NR0B2: variants seen among roughly 807,000 people sequenced by gnomAD.
The protein encoded by NR0B2 is nuclear receptor subfamily 0 group B member 2.
NR0B2 carries 17 observed loss-of-function variants against 18.9 expected under a neutral mutation model. That is an observed-to-expected ratio of 0.90 (90% confidence interval 0.62 to 1.35). NR0B2 has a LOEUF of 1.35. Ranked by LOEUF, NR0B2 falls within the 40% of genes most tolerant of loss-of-function variation. The pLI, the probability that NR0B2 is intolerant of heterozygous loss-of-function variation, is 0.00. For missense variants in NR0B2, 312 were observed against 333.3 expected (o/e 0.94, Z 0.50); for synonymous variants, 116 against 138.5 (o/e 0.84, Z 1.14).
rs374850240 is a variant in NR0B2 at position 26,913,891 on chromosome 1, C to T, written c.50G>A (p.Arg17His). 43 of 1,480,626 alleles carry T rather than the reference C, an allele frequency of 2.9e-5. No individual in the cohort carries two copies. The highest frequency in any genetic ancestry group is 5.6e-5 in the African/African-American group (4 of 71,300). The allele number at this position is 1,480,626 out of a possible 1,614,324, so 91.7% of individuals were successfully genotyped here. A position where few individuals can be genotyped will look rare whatever the true frequency, so the allele number is the denominator to read the frequency against. Residue 17 changes from arginine (R) to histidine (H), a missense_variant, in exon 1 of 2, where the codon CGC becomes CAC. By Grantham distance (29) the Arg-to-His change is conservative. Transcript: ENST00000254227. ...GACPCQGAAS[R>H]PAILYALLSS... ...CAGAAGTGCGTAGAGAATGGCGGGGCGGCTTGCAGCTCCCTGGCATGGGCA... is the reference window on the plus strand; with the variant it reads ...CAGAAGTGCGTAGAGAATGGCGGGGTGGCTTGCAGCTCCCTGGCATGGGCA...
Position 26,911,707 on chromosome 1 carries a change from A to C in NR0B2, c.*138T>G. 5.2e-6 allele frequency: 5 copies of C among 967,780 alleles called. No individual in the cohort carries two copies. The highest frequency in any genetic ancestry group is 8.1e-6 in the Non-Finnish European group (5 of 615,898). The allele number at this position is 967,780 out of a possible 1,614,324, so 59.9% of individuals were successfully genotyped here. On this transcript the variant is annotated 3_prime_UTR_variant, in exon 2 of 2. Transcript: ENST00000254227. ...TCCAATGTGGGGTGTGGCTGAGTGA[A>C]GAGCTGTTCCTAAGGAGCCAAGTGC... is the stretch of plus-strand genomic sequence containing the variant.
chr1:26,913,899 AG>A lies in NR0B2; in HGVS notation c.41del (p.Ala14ValfsTer12), dbSNP rs748209717. Reference sequence around the variant, plus strand: ...CGTAGAGAATGGCGGGGCGGCTTGCAGCTCCCTGGCATGGGCAGGCCCCTGG... The same window carrying A: ...CGTAGAGAATGGCGGGGCGGCTTGCACTCCCTGGCATGGGCAGGCCCCTGG... ...SQPGACPCQG[A>X]ASRPAILYAL... On this transcript the variant is annotated frameshift_variant, in exon 1 of 2. Coordinates refer to ENST00000254227, the MANE Select transcript of NR0B2 (RefSeq NM_021969.3). LOFTEE classifies it high-confidence loss of function. 1.0e-5 allele frequency: 15 copies of A among 1,485,872 alleles called. No individual in the cohort carries two copies. Among genetic ancestry groups the A allele is most frequent in the Non-Finnish European group, 1.3e-5 (14 of 1,116,226 alleles). 92.0% of individuals were successfully genotyped at this position (1,485,872 alleles called of 1,614,324 possible).
intron 1 of NR0B2, among the ~76,000 whole-genome samples, chr1:26,912,830 T>A (rs1295189072): frequency 6.6e-6 from 1 of 152,202 alleles, no homozygotes; most frequent in Non-Finnish European, 1.5e-5. Context: ...CACAGCCTTC[T>A]GTAAAGGTCA....
chr1:26,911,701 G>T lies in NR0B2; in HGVS notation c.*144C>A. On this transcript the variant is annotated 3_prime_UTR_variant, in exon 2 of 2. Coordinates refer to ENST00000254227, the MANE Select transcript of NR0B2 (RefSeq NM_021969.3). ...AGGAAGTCCAATGTGGGGTGTGGCT[G>T]AGTGAAGAGCTGTTCCTAAGGAGCC... The T allele has an allele frequency of 1.1e-6, 1 of 920,694 alleles. No individual in the cohort carries two copies. The highest frequency in any genetic ancestry group is 1.7e-6 in the Non-Finnish European group (1 of 576,342). The allele number at this position is 920,694 out of a possible 1,614,324, so 57.0% of individuals were successfully genotyped here. A position where few individuals can be genotyped will look rare whatever the true frequency, so the allele number is the denominator to read the frequency against.
In NR0B2 at chr1:26,911,809, C is replaced by G; in HGVS notation, c.*36G>C. 1 of 1,613,974 alleles carries G rather than the reference C, an allele frequency of 6.2e-7. No individual in the cohort carries two copies. ...GCCAGGCTGAATCAGCACTGCCAGC[C>G]TCTGCCCACCTGATCTCTGCCTGGG... On this transcript the variant is annotated 3_prime_UTR_variant, in exon 2 of 2. Transcript: ENST00000254227.
rs756121300 is a variant in NR0B2, at chr1:26,911,906, C to T, written c.713G>A (p.Arg238His). The T allele has an allele frequency of 9.3e-6, 15 of 1,613,950 alleles. No homozygotes were observed. Among genetic ancestry groups the T allele is most frequent in the South Asian group, 3.3e-5 (3 of 91,080 alleles). Reference protein sequence around the residue: ...PTSLLGDLFFRPIIGDVDIAG... With the variant: ...PTSLLGDLFFHPIIGDVDIAG... ...GATGTCAACATCTCCAATGATAGGG[C>T]GAAAGAAGAGGTCCCCAAGCAGGCT... The change falls in exon 2 of 2, where the codon CGC becomes CAC. Residue 238 changes from arginine to histidine, a missense_variant. Transcript: ENST00000254227.
Position 26,913,944 on chromosome 1 carries a change from T to A in NR0B2, c.-4A>T. The A allele has an allele frequency of 1.4e-6, 2 of 1,469,844 alleles. No homozygotes were observed. The highest frequency in any genetic ancestry group is 1.8e-6 in the Non-Finnish European group (2 of 1,108,142). 91.1% of individuals were successfully genotyped at this position (1,469,844 alleles called of 1,614,324 possible). On this transcript the variant is annotated 5_prime_UTR_variant, in exon 1 of 2. Transcript: ENST00000254227. ...CCCCTGGTTGGCTGGTGCTCATGGT[T>A]AGGGATCTGCTCTCACTTCCAGCTC...
At position 26,913,694 on chromosome 1, in the gene NR0B2, C is replaced by T; in HGVS notation, c.247G>A (p.Asp83Asn). 1.2e-6 allele frequency: 2 copies of T among 1,611,192 alleles called. No homozygotes were observed. Among genetic ancestry groups the T allele is most frequent in the East Asian group, 2.2e-5 (1 of 44,776 alleles). Reference sequence around the variant, plus strand: ...CAACCCTGCAGCAGCCGCCGCTGGTCCTGGGGAGGCAGCTGCCAGAAGGAT... The same window carrying T: ...CAACCCTGCAGCAGCCGCCGCTGGTTCTGGGGAGGCAGCTGCCAGAAGGAT... ...LPSFWQLPPQ[D>N]QRRLLQGCWG... The change falls in exon 1 of 2, where the codon GAC (aspartate) becomes AAC (asparagine). Residue 83 changes from aspartate to asparagine, a missense_variant. Physicochemically the swap from Asp to Asn is conservative, Grantham distance 23. Coordinates refer to ENST00000254227, the MANE Select transcript of NR0B2 (RefSeq NM_021969.3).
chr1:26,911,536 G>T lies in NR0B2; in HGVS notation c.*309C>A. The T allele has an allele frequency of 2.4e-6, 1 of 409,276 alleles. No homozygotes were observed. Among genetic ancestry groups the T allele is most frequent in the Non-Finnish European group, 4.6e-6 (1 of 215,888 alleles). The allele number at this position is 409,276 out of a possible 1,614,324, so 25.4% of individuals were successfully genotyped here. Reference sequence around the variant, plus strand: ...AAAATCAATAACTTAATTCAGTTCTGTATAAAGTCGATAGGACTTCTGGTC... The same window carrying T: ...AAAATCAATAACTTAATTCAGTTCTTTATAAAGTCGATAGGACTTCTGGTC... On this transcript the variant is annotated 3_prime_UTR_variant, in exon 2 of 2. Coordinates refer to ENST00000254227, the MANE Select transcript of NR0B2 (RefSeq NM_021969.3).
chr1:26,913,857 G>T lies in NR0B2; in HGVS notation c.84C>A (p.Ser28Arg). ...PAILYALLSS[S>R]LKAVPRPRSR... ...TACGGGGTCGGGGGACAGCCTTGAGGCTGGAGCTCAGAAGTGCGTAGAGAA... is the reference window on the plus strand; with the variant it reads ...TACGGGGTCGGGGGACAGCCTTGAGTCTGGAGCTCAGAAGTGCGTAGAGAA... Residue 28 changes from serine to arginine, a missense_variant, in exon 1 of 2, where the codon AGC becomes AGA. By Grantham distance (110) the Ser-to-Arg change is moderately radical (BLOSUM62 -1). Transcript: ENST00000254227. The T allele has an allele frequency of 6.6e-7, 1 of 1,507,880 alleles. No individual in the cohort carries two copies. Among genetic ancestry groups the T allele is most frequent in the Non-Finnish European group, 8.9e-7 (1 of 1,127,510 alleles). The allele number at this position is 1,507,880 out of a possible 1,614,324, so 93.4% of individuals were successfully genotyped here.
Position 26,913,866 on chromosome 1 carries a change from C to T in NR0B2, c.75G>A (p.Leu25=). 1.3e-6 allele frequency: 2 copies of T among 1,503,664 alleles called. No individual in the cohort carries two copies. The highest frequency in any genetic ancestry group is 2.8e-5 in the African/African-American group (2 of 71,612). The allele number at this position is 1,503,664 out of a possible 1,614,324, so 93.1% of individuals were successfully genotyped here. A position where few individuals can be genotyped will look rare whatever the true frequency, so the allele number is the denominator to read the frequency against. Residue 25 remains leucine (L), a synonymous_variant, in exon 1 of 2, where the codon CTG becomes CTA. Coordinates refer to ENST00000254227, the MANE Select transcript of NR0B2 (RefSeq NM_021969.3). ...GGGGGACAGCCTTGAGGCTGGAGCT[C>T]AGAAGTGCGTAGAGAATGGCGGGGC... is the stretch of plus-strand genomic sequence containing the variant. ...ASRPAILYAL[L]SSSLKAVPRP...
chr1:26,913,595 T>G lies in NR0B2; in HGVS notation c.346A>C (p.Ser116Arg). ...TFEVAEAPVP[S>R]ILKKILLEEP... ...TCCAGCAGAATCTTCTTGAGTATGC[T>G]GGGCACCGGGGCCTCAGCCACCTCA... The change falls in exon 1 of 2, where the codon AGC becomes CGC. Residue 116 changes from serine to arginine, a missense_variant. By Grantham distance (110) the Ser-to-Arg change is moderately radical (BLOSUM62 -1). Transcript: ENST00000254227. 3.1e-6 allele frequency: 5 copies of G among 1,614,078 alleles called. No homozygotes were observed. Among genetic ancestry groups the G allele is most frequent in the Non-Finnish European group, 4.2e-6 (5 of 1,180,000 alleles).
intron 1 of NR0B2, 66 bp from the exon 2 acceptor site, chr1:26,912,152 G>A: frequency 6.3e-7 from 1 of 1,597,660 alleles, no homozygotes; most frequent in Non-Finnish European, 8.5e-7. Flanking sequence ...GGACAAGACT[G>A]GCCCAAGATC....
intron 1 of NR0B2, among the ~76,000 whole-genome samples, chr1:26,912,394 A>G (rs1459348121): frequency 6.6e-6 from 1 of 152,120 alleles, no homozygotes; most frequent in Non-Finnish European, 1.5e-5. Context: ...TCTGGGCTTC[A>G]GTTTCTTTAT....
At chr1:26,912,563 A>T (rs1279075446) in intron 1 of NR0B2, among the ~76,000 whole-genome samples, 1 of 152,192 alleles carries the variant, frequency 6.6e-6, no homozygotes, top group African/African-American at 2.4e-5. Context: ...ACTACGATTT[A>T]TGCGTGCCAC....
rs764142312 is a variant in NR0B2, at chr1:26,913,467, G to T, written c.474C>A (p.Ser158Arg). ...WLQCCLESFW[S>R]LELSPKEYAC... ...CATATTCCTTGGGGCTAAGCTCCAG[G>T]CTCCAGAAGGACTCCAGACAGCATT... is the stretch of plus-strand genomic sequence containing the variant. The change falls in exon 1 of 2, where the codon AGC becomes AGA. Residue 158 changes from serine to arginine, a missense_variant. Physicochemically the swap from Ser to Arg is moderately radical, Grantham distance 110. Coordinates refer to ENST00000254227, the MANE Select transcript of NR0B2 (RefSeq NM_021969.3). 10 of 1,613,966 alleles carry T rather than the reference G, an allele frequency of 6.2e-6. No homozygotes were observed. The highest frequency in any genetic ancestry group is 1.7e-6 in the Non-Finnish European group (2 of 1,180,008).
intron 1 of NR0B2, 71 bp from the exon 2 acceptor site, chr1:26,912,157 A>G (rs1192286419): frequency 3.1e-6 from 5 of 1,589,618 alleles, no homozygotes; most frequent in African/African-American, 2.7e-5. Flanking sequence ...AGACTGGCCC[A>G]AGATCTGGGC....
chr1:26,912,380 A>C (rs41291051), intron 1 of NR0B2, among the ~76,000 whole-genome samples: 17,690 of 152,062 alleles, frequency 0.12, 1,433 homozygotes, highest in African/African-American at 0.23. Context: ...CAAGTCACTT[A>C]ATCTCTGGGC....
chr1:26,913,863 G>A lies in NR0B2; in HGVS notation c.78C>T (p.Ser26=), dbSNP rs1373862080. The change falls in exon 1 of 2, where the codon AGC becomes AGT. Residue 26 remains serine, a synonymous_variant. Coordinates refer to ENST00000254227, the MANE Select transcript of NR0B2 (RefSeq NM_021969.3). ...SRPAILYALL[S]SSLKAVPRPR... Reference sequence around the variant, plus strand: ...GTCGGGGGACAGCCTTGAGGCTGGAGCTCAGAAGTGCGTAGAGAATGGCGG... The same window carrying A: ...GTCGGGGGACAGCCTTGAGGCTGGAACTCAGAAGTGCGTAGAGAATGGCGG... 2 of 1,505,158 alleles carry A rather than the reference G, an allele frequency of 1.3e-6. No homozygotes were observed. Among genetic ancestry groups the A allele is most frequent in the Non-Finnish European group, 1.8e-6 (2 of 1,126,196 alleles). The allele number at this position is 1,505,158 out of a possible 1,614,324, so 93.2% of individuals were successfully genotyped here.
Sources: gnomAD v4.1 joint callset for allele counts (sites outside exome capture counted in the v4.1 genomes callset) on GRCh38, gnomAD v4.1.1 for gene constraint, MANE v1.5 for transcripts, NCBI Gene and HGNC (gene_info 2026-07-23, HGNC 2026-07-21) for gene names.